The following KSR1 variants were observed in gnomAD, a reference collection of about 807,000 sequenced individuals.
KSR1 encodes the protein kinase suppressor of ras 1.
A neutral mutation model predicts 92.9 loss-of-function variants in KSR1; 35 were observed. The ratio of observed to expected loss-of-function variants is 0.38; its 90% CI spans 0.29 to 0.50. The LOEUF (loss-of-function observed/expected upper bound fraction) is 0.50. KSR1 is among the 20% of genes least tolerant of loss of function. The pLI, the probability that KSR1 is intolerant of heterozygous loss-of-function variation, is 0.94. For synonymous variants in KSR1, 467 were observed against 472.6 expected (o/e 0.99, Z 0.15); for missense variants, 972 against 1,158.5 (o/e 0.84, Z 2.34).
At chr17:27,592,329 G>A in intron 7 of KSR1, 32 bp from the exon 8 acceptor site, 1 of 1,601,950 alleles carries the variant, frequency 6.2e-7, no homozygotes, top group Non-Finnish European at 8.6e-7. Flanking sequence ...CCCATGTGGT[G>A]CTTTGCACAC....
At chr17:27,611,705 C>A in intron 18 of KSR1, 76 bp downstream of exon 18, 1 of 1,573,274 alleles carries the variant, frequency 6.4e-7, no homozygotes, top group East Asian at 2.3e-5. Context: ...GCCCTTCACT[C>A]ACCCACCTGA....
chr17:27,592,222 T>C lies in KSR1; in HGVS notation c.1131-139T>C, dbSNP rs1567864166. 7.2e-6 allele frequency: 5 copies of C among 696,702 alleles called. No individual in the cohort carries two copies. The East Asian group carries it at 1.2e-4, about 17-fold the overall frequency. 43.2% of individuals were successfully genotyped at this position (696,702 alleles called of 1,614,324 possible). The stretch of plus-strand genomic sequence containing the variant: ...GCTATTACTATTAATATCATGATGT[T>C]CTCTACTTTCGAGCTAACATTTGTT... On this transcript the variant is annotated intron_variant, in intron 7 of 20. Coordinates refer to ENST00000644974, the MANE Select transcript of KSR1 (RefSeq NM_001394583.1).
intron 5 of KSR1, chr17:27,587,732 A>C (rs1043345546): frequency 6.6e-6 from 1 of 152,304 alleles, no homozygotes; most frequent in African/African-American, 2.4e-5. Flanking sequence ...CAGCTTGTCT[A>C]CTGCACTAGG....
chr17:27,585,303 CCTACTG>C (rs1015535854), intron 4 of KSR1, among the ~76,000 whole-genome samples: 2 of 152,192 alleles, frequency 1.3e-5, no homozygotes, highest in Non-Finnish European at 2.9e-5. Flanking sequence ...AGCCATGTGA[CCTACTG>C]AGCCTCCTGA....
chr17:27,573,739 C>T (rs771750566), intron 2 of KSR1, among the ~76,000 whole-genome samples: 4 of 152,196 alleles, frequency 2.6e-5, no homozygotes, highest in East Asian at 1.9e-4. Flanking sequence ...ATCGTGCGCA[C>T]GTGGGTTTCA....
intron 5 of KSR1, chr17:27,587,501 T>C (rs2073012315): frequency 6.6e-6 from 1 of 152,198 alleles, no homozygotes; most frequent in Admixed American, 6.5e-5. Context: ...ACTCGAGCAC[T>C]GTGTTCCTGA....
At chr17:27,488,311 G>A (rs1413815332) in intron 1 of KSR1, among the ~76,000 whole-genome samples, 3 of 151,982 alleles carry the variant, frequency 2.0e-5, no homozygotes, top group Admixed American at 2.0e-4. Context: ...GTGAGAATAT[G>A]CTATTTATGC....
chr17:27,570,953 T>C (rs2072282923), intron 2 of KSR1, among the ~76,000 whole-genome samples: 1 of 152,248 alleles, frequency 6.6e-6, no homozygotes, highest in Non-Finnish European at 1.5e-5. Flanking sequence ...TTGAGAGCCG[T>C]TGATTTGTTC....
intron 20 of KSR1, chr17:27,622,750 A>G (rs952706205): frequency 1.9e-5 from 3 of 161,088 alleles, no homozygotes; most frequent in African/African-American, 7.2e-5. Context: ...GCATTTGTCA[A>G]GAGCATGGCT....
Position 27,562,986 on chromosome 17 carries a change from G to A in KSR1, c.372+12278G>A, listed in dbSNP as rs73983471. ...TGCTCTTGCTGGAAACCTGGGAGTC[G>A]TTTCTGACTCATTGTGCTTCCTCAA... On this transcript the variant is annotated intron_variant, in intron 2 of 20. Coordinates refer to ENST00000644974, the MANE Select transcript of KSR1 (RefSeq NM_001394583.1). 3.9e-3 allele frequency among the ~76,000 whole-genome samples: 599 copies of A among 152,264 alleles called. 4 individuals carry two copies. The highest frequency in any genetic ancestry group is 0.013 in the African/African-American group (533 of 41,558).
chr17:27,577,337 C>T lies in KSR1; in HGVS notation c.373-155C>T. ...CCTGGAGGGTGGGGGCCAGGGAGCT[C>T]TGCTTGTGTCCCCAAGCACGTGGTG... On this transcript the variant is annotated intron_variant, in intron 2 of 20. Coordinates refer to ENST00000644974, the MANE Select transcript of KSR1 (RefSeq NM_001394583.1). The surrounding 1 kb of genome is among the most constrained non-coding windows in gnomAD (Gnocchi z 4.5). The T allele has an allele frequency of 1.7e-6, 1 of 587,280 alleles. No individual in the cohort carries two copies. Among genetic ancestry groups the T allele is most frequent in the East Asian group, 3.0e-5 (1 of 33,444 alleles). The allele number at this position is 587,280 out of a possible 1,614,324, so 36.4% of individuals were successfully genotyped here. A position where few individuals can be genotyped will look rare whatever the true frequency, so the allele number is the denominator to read the frequency against.
intron 1 of KSR1, among the ~76,000 whole-genome samples, chr17:27,537,812 T>C (rs2070806143): frequency 6.6e-6 from 1 of 152,188 alleles, no homozygotes; most frequent in African/African-American, 2.4e-5. Context: ...AAAAAGAATA[T>C]ATCCAGTTGT....
intron 2 of KSR1, chr17:27,566,294 G>T (rs908732887): frequency 3.8e-5 from 15 of 393,230 alleles, no homozygotes; most frequent in Non-Finnish European, 4.5e-5. Context: ...GCCCCGGGAA[G>T]TATGTGCTGA....
chr17:27,604,641 T>C, intron 12 of KSR1, 39 bp from the exon 13 acceptor site: 1 of 1,600,254 alleles, frequency 6.2e-7, no homozygotes, highest in Non-Finnish European at 8.6e-7. Flanking sequence ...CAGAGCGGTG[T>C]TCCTCAAGGT....
At position 27,479,571 on chromosome 17, in the gene KSR1, C is replaced by T. The variant is rs547809668; in HGVS notation, c.231+22697C>T. Among the ~76,000 whole-genome samples, 7 of 152,314 alleles carry T rather than the reference C, an allele frequency of 4.6e-5. No homozygotes were observed. The South Asian group carries it at 1.4e-3, about 32-fold the overall frequency. On this transcript the variant is annotated intron_variant, in intron 1 of 20. Transcript: ENST00000644974. ...TGCTCTGACCCACACTGGCCCTCCA[C>T]CTGCTTTCTTTGCTCAGTTGAGACC... is the stretch of plus-strand genomic sequence containing the variant.
chr17:27,546,256 G>A (rs1432594304), intron 1 of KSR1, among the ~76,000 whole-genome samples: 1 of 152,136 alleles, frequency 6.6e-6, no homozygotes, highest in Non-Finnish European at 1.5e-5. Context: ...AGGGAAATAC[G>A]GTCCCTGCAC....
At chr17:27,617,266 C>T in intron 18 of KSR1, 29 bp from the exon 19 acceptor site, 1 of 1,587,880 alleles carries the variant, frequency 6.3e-7, no homozygotes, top group East Asian at 2.3e-5. Flanking sequence ...AGCCAGCTCA[C>T]ACACCACTAA....
At chr17:27,495,754 T>C (rs2068963997) in intron 1 of KSR1, among the ~76,000 whole-genome samples, 1 of 152,234 alleles carries the variant, frequency 6.6e-6, no homozygotes, top group Admixed American at 6.5e-5. Context: ...GAACCTGAGT[T>C]GATGGCGGGT....
intron 1 of KSR1, among the ~76,000 whole-genome samples, chr17:27,458,731 G>A (rs2019299779): frequency 6.6e-6 from 1 of 152,140 alleles, no homozygotes. Flanking sequence ...TGTGGATTCG[G>A]GTTCACTCCA....
Sources: gnomAD v4.1 joint callset for allele counts (sites outside exome capture counted in the v4.1 genomes callset) on GRCh38, gnomAD v4.1.1 for gene constraint, Gnocchi (gnomAD v3.1) non-coding constraint, MANE v1.5 for transcripts, NCBI Gene and HGNC (gene_info 2026-07-23, HGNC 2026-07-21) for gene names.